Variants in VPS13B observed in about 807,000 individuals in gnomAD.
The protein encoded by VPS13B is intermembrane lipid transfer protein VPS13B.
Under a neutral mutation model 426.4 loss-of-function variants are expected in VPS13B, and 285 were observed. The observed-to-expected ratio is 0.67, with a 90% CI of 0.61 to 0.74. The LOEUF is 0.74. Ranked by LOEUF, VPS13B falls within the 30% of genes least tolerant of loss-of-function variation. The pLI is 0.00. For synonymous variants in VPS13B, 1,676 were observed against 1,676.4 expected (o/e 1.00, Z 0.01); for missense variants, 4,537 against 4,782.6 (o/e 0.95, Z 1.51).
Position 99,688,111 on chromosome 8 carries a change from C to T in VPS13B, c.6047-11414C>T, listed in dbSNP as rs190090118. On this transcript the variant is annotated intron_variant, in intron 35 of 61. Transcript: ENST00000357162. ...CAGATATTATAAGGAAAGGCAAGAA[C>T]TCTTTCTTGCTTCCTTGCTTGCTTT... 4.9e-3 allele frequency among the ~76,000 whole-genome samples: 726 copies of T among 147,622 alleles called. 18 individuals carry two copies. The highest frequency in any genetic ancestry group is 0.017 in the African/African-American group (694 of 40,094).
intron 22 of VPS13B, among the ~76,000 whole-genome samples, chr8:99,440,647 C>G (rs1817636730): frequency 6.6e-6 from 1 of 152,098 alleles, no homozygotes; most frequent in East Asian, 1.9e-4. Flanking sequence ...GTATCTGATG[C>G]TACTATACTG....
intron 19 of VPS13B, among the ~76,000 whole-genome samples, chr8:99,380,886 T>G (rs1267154761): frequency 6.6e-6 from 1 of 151,518 alleles, no homozygotes. Flanking sequence ...CTTTTTTTTT[T>G]TTTTAAAAAA....
chr8:99,531,976 A>T (rs996912688), intron 30 of VPS13B, among the ~76,000 whole-genome samples: 1 of 152,154 alleles, frequency 6.6e-6, no homozygotes, highest in African/African-American at 2.4e-5. Context: ...TTCATTTGTT[A>T]TAACAGAACT....
rs1826309500 is a variant in VPS13B, at chr8:99,586,565, T to C, written c.5220+8932T>C. Among the ~76,000 whole-genome samples the C allele has an allele frequency of 2.0e-5, 3 of 152,212 alleles. No homozygotes were observed. The South Asian group carries it at 6.2e-4, about 32-fold the overall frequency. On this transcript the variant is annotated intron_variant, in intron 33 of 61. Transcript: ENST00000357162. Reference sequence around the variant, plus strand: ...GGCCTGACTTTTAATATAAGGCTGATTCTGAATCAGATTAATCAAATGCAT... The same window carrying C: ...GGCCTGACTTTTAATATAAGGCTGACTCTGAATCAGATTAATCAAATGCAT...
At chr8:99,524,285 G>T (rs889718471) in intron 30 of VPS13B, among the ~76,000 whole-genome samples, 4 of 152,182 alleles carry the variant, frequency 2.6e-5, no homozygotes, top group South Asian at 4.1e-4. Context: ...TTAAAGACAG[G>T]CAGAGAGAGT....
intron 3 of VPS13B, among the ~76,000 whole-genome samples, chr8:99,041,302 G>C (rs1014228646): frequency 5.9e-5 from 9 of 152,142 alleles, no homozygotes; most frequent in Non-Finnish European, 1.2e-4. Context: ...GTTACTACTT[G>C]TAAACTGTTT....
intron 18 of VPS13B, 77 bp downstream of exon 18, chr8:99,274,409 T>C: frequency 1.9e-6 from 3 of 1,604,874 alleles, no homozygotes; most frequent in South Asian, 1.1e-5. Context: ...GGAGCGTTAC[T>C]GAAACAAGAA....
intron 19 of VPS13B, among the ~76,000 whole-genome samples, chr8:99,379,047 C>T (rs541180469): frequency 6.6e-6 from 1 of 152,328 alleles, no homozygotes; most frequent in South Asian, 2.1e-4. Flanking sequence ...TGCCTACTGT[C>T]AGATCATTGG....
intron 24 of VPS13B, among the ~76,000 whole-genome samples, chr8:99,475,283 G>T (rs751955497): frequency 1.3e-5 from 2 of 152,150 alleles, no homozygotes; most frequent in African/African-American, 2.4e-5. Context: ...ATACAGAACT[G>T]TTGTTTTTCT....
intron 44 of VPS13B, among the ~76,000 whole-genome samples, chr8:99,816,953 A>T (rs1360991983): frequency 6.6e-6 from 1 of 152,158 alleles, no homozygotes; most frequent in Non-Finnish European, 1.5e-5. Flanking sequence ...GATTGATCAC[A>T]ATTGCCCTCT....
At chr8:99,719,003 T>C (rs1409014707) in intron 37 of VPS13B, among the ~76,000 whole-genome samples, 1 of 152,230 alleles carries the variant, frequency 6.6e-6, no homozygotes, top group Non-Finnish European at 1.5e-5. Flanking sequence ...ACCAGTTTCC[T>C]TTTTAATGCA....
At chr8:99,203,292 G>A (rs1814469908) in intron 17 of VPS13B, among the ~76,000 whole-genome samples, 1 of 152,038 alleles carries the variant, frequency 6.6e-6, no homozygotes, top group African/African-American at 2.4e-5. Flanking sequence ...ATGCAGAAAA[G>A]GCCTTCAATA....
intron 35 of VPS13B, among the ~76,000 whole-genome samples, chr8:99,681,916 C>G (rs1190774270): frequency 6.6e-6 from 1 of 152,118 alleles, no homozygotes; most frequent in Non-Finnish European, 1.5e-5. Flanking sequence ...ACTCCCTTAC[C>G]AATCCACTGG....
intron 30 of VPS13B, among the ~76,000 whole-genome samples, chr8:99,530,486 C>T (rs1162222938): frequency 6.6e-6 from 1 of 151,812 alleles, no homozygotes; most frequent in African/African-American, 2.4e-5. Context: ...TGGTGGCTGG[C>T]GCCTGTAATT....
intron 43 of VPS13B, among the ~76,000 whole-genome samples, chr8:99,803,403 T>C (rs1813232664): frequency 6.6e-6 from 1 of 152,222 alleles, no homozygotes; most frequent in Non-Finnish European, 1.5e-5. Context: ...CAGCCTCCAT[T>C]ATATCACACC....
chr8:99,700,060 G>T (rs1832203249), intron 36 of VPS13B, 128 bp downstream of exon 36: 7 of 866,976 alleles, frequency 8.1e-6, no homozygotes, highest in South Asian at 1.9e-5. Flanking sequence ...TAGAGATGAG[G>T]ACATTTCTGG....
At chr8:99,736,882 G>C (rs1833854866) in intron 39 of VPS13B, among the ~76,000 whole-genome samples, 1 of 151,956 alleles carries the variant, frequency 6.6e-6, no homozygotes, top group African/African-American at 2.4e-5. Flanking sequence ...TATAAAAACT[G>C]TTACCATTCT....
intron 16 of VPS13B, among the ~76,000 whole-genome samples, chr8:99,183,977 C>A (rs1355751347): frequency 6.6e-6 from 1 of 152,182 alleles, no homozygotes; most frequent in South Asian, 2.1e-4. Flanking sequence ...TATCTCTAGA[C>A]ATGTTCTGTC....
chr8:99,135,229 A>G (rs1184855401), intron 10 of VPS13B, 92 bp downstream of exon 10: 7 of 1,523,142 alleles, frequency 4.6e-6, no homozygotes, highest in Non-Finnish European at 6.3e-6. Context: ...CTGTTAGACT[A>G]TATATATCTC....
Sources: gnomAD v4.1 joint callset for allele counts (sites outside exome capture counted in the v4.1 genomes callset) on GRCh38, gnomAD v4.1.1 for gene constraint, MANE v1.5 for transcripts, NCBI Gene and HGNC (gene_info 2026-07-23, HGNC 2026-07-21) for gene names.